Variants in AGFG1 observed in about 807,000 individuals in gnomAD.
AGFG1 encodes ArfGAP with FG repeats 1.
Under a neutral mutation model 60.6 loss-of-function variants are expected in AGFG1, and 10 were observed. That is an observed-to-expected ratio of 0.16 (90% CI 0.10 to 0.28). The LOEUF (loss-of-function observed/expected upper bound fraction) is 0.28. AGFG1 is among the 10% of genes least tolerant of loss of function. AGFG1 has a pLI of 1.00. For missense variants in AGFG1, 537 were observed against 676.5 expected, an observed-to-expected ratio of 0.79 and a Z score of 2.29; for synonymous variants, 247 against 242.9, an observed-to-expected ratio of 1.02 and a Z score of -0.16.
At chr2:227,543,090 A>G (rs952744371) in intron 10 of AGFG1, among the ~76,000 whole-genome samples, 3 of 151,042 alleles carry the variant, frequency 2.0e-5, no homozygotes, top group Non-Finnish European at 4.4e-5. Flanking sequence ...AATTTTGTTG[A>G]TCTTTTCAAA....
intron 2 of AGFG1, among the ~76,000 whole-genome samples, chr2:227,517,748 C>A (rs2106201940): frequency 6.6e-6 from 1 of 152,318 alleles, no homozygotes; most frequent in African/African-American, 2.4e-5. Context: ...AAACCAGATA[C>A]TATGCTCTTT....
rs577067028 is a variant in AGFG1, at chr2:227,514,196, G to A, written c.262-5752G>A. On this transcript the variant is annotated intron_variant, in intron 2 of 12. Coordinates refer to ENST00000310078, the MANE Select transcript of AGFG1 (RefSeq NM_004504.5). ...ACCACTTAAGAGACCAGGCCCAAAA[G>A]TAATATAACTAATACAATTTTTTTT... is the stretch of plus-strand genomic sequence containing the variant. Among the ~76,000 whole-genome samples, 10 of 152,192 alleles carry A rather than the reference G, an allele frequency of 6.6e-5. 1 individual carries two copies. The highest frequency in any genetic ancestry group is 4.1e-4 in the South Asian group (2 of 4,820).
chr2:227,485,053 T>C lies in AGFG1; in HGVS notation c.168-6494T>C, dbSNP rs149865537. Among the ~76,000 whole-genome samples, 226 of 152,102 alleles carry C rather than the reference T, an allele frequency of 1.5e-3. 3 individuals are homozygous for C. Among genetic ancestry groups the C allele is most frequent in the African/African-American group, 5.1e-3 (212 of 41,450 alleles). The stretch of plus-strand genomic sequence containing the variant: ...TGTTTTTTATCTGAAGATACTGTTA[T>C]TTTGATCTTATACTTCAAACATAGC... On this transcript the variant is annotated intron_variant, in intron 1 of 12. Transcript: ENST00000310078.
In AGFG1 at chr2:227,560,945, C is replaced by G. The variant is rs955079152; in HGVS notation, c.*6450C>G. Reference sequence around the variant, plus strand: ...CACTTTAAATCCTAGGAATAGGGAACAAGGAAACTTACTGGGAAGTTCAAA... The same window carrying G: ...CACTTTAAATCCTAGGAATAGGGAAGAAGGAAACTTACTGGGAAGTTCAAA... On this transcript the variant is annotated 3_prime_UTR_variant, in exon 13 of 13. Coordinates refer to ENST00000310078, the MANE Select transcript of AGFG1 (RefSeq NM_004504.5). The G allele has an allele frequency of 4.6e-5, 7 of 152,118 alleles. No individual in the cohort carries two copies. Among genetic ancestry groups the G allele is most frequent in the African/African-American group, 1.4e-4 (6 of 41,436 alleles). The allele number at this position is 152,118 out of a possible 1,614,324, so 9.4% of individuals were successfully genotyped here. A position where few individuals can be genotyped will look rare whatever the true frequency, so the allele number is the denominator to read the frequency against.
intron 2 of AGFG1, among the ~76,000 whole-genome samples, chr2:227,510,522 A>G (rs1171608699): frequency 6.6e-6 from 1 of 151,872 alleles, no homozygotes; most frequent in Non-Finnish European, 1.5e-5. Context: ...ATGATAAACT[A>G]TGTCTTGGTG....
chr2:227,535,048 C>T (rs772288218), intron 8 of AGFG1, 23 bp downstream of exon 8: 3 of 1,525,336 alleles, frequency 2.0e-6, no homozygotes, highest in South Asian at 2.6e-5. Flanking sequence ...AGCTAGCCCT[C>T]CTGCTTTGTG....
chr2:227,523,935 C>G lies in AGFG1; in HGVS notation c.540+10C>G, dbSNP rs1288390023. 6.2e-7 allele frequency: 1 copy of G among 1,604,008 alleles called. No homozygotes were observed. The highest frequency in any genetic ancestry group is 1.3e-5 in the African/African-American group (1 of 74,468). ...GGGCACACCTAGTCAGGTGAGTAGT[C>G]TTTGAATCTTTGTAGGGAATTCGAC... On this transcript the variant is annotated intron_variant, in intron 4 of 12. Transcript: ENST00000310078.
chr2:227,490,672 G>A (rs1447906369), intron 1 of AGFG1, among the ~76,000 whole-genome samples: 1 of 152,052 alleles, frequency 6.6e-6, no homozygotes, highest in Non-Finnish European at 1.5e-5. Flanking sequence ...GTAGTTCTGT[G>A]GAACTTTGCG....
intron 7 of AGFG1, among the ~76,000 whole-genome samples, chr2:227,534,391 C>T (rs958441976): frequency 3.9e-5 from 6 of 152,090 alleles, no homozygotes; most frequent in Non-Finnish European, 7.4e-5. Flanking sequence ...TAGAACAGTG[C>T]CTAGCACATA....
At chr2:227,483,128 A>G (rs898627510) in intron 1 of AGFG1, among the ~76,000 whole-genome samples, 9 of 152,142 alleles carry the variant, frequency 5.9e-5, no homozygotes, top group African/African-American at 2.2e-4. Flanking sequence ...AATATGACAG[A>G]AAAGTGTTTT....
chr2:227,528,599 A>C (rs1047051427), intron 5 of AGFG1, among the ~76,000 whole-genome samples: 4 of 152,196 alleles, frequency 2.6e-5, no homozygotes, highest in Admixed American at 1.3e-4. Flanking sequence ...GGATTATTGA[A>C]ATGTAATGCA....
At chr2:227,543,263 A>C (rs931699804) in intron 10 of AGFG1, among the ~76,000 whole-genome samples, 1 of 151,808 alleles carries the variant, frequency 6.6e-6, no homozygotes, top group Admixed American at 6.6e-5. Context: ...TGTTAATTTT[A>C]TATCTTTCCT....
At chr2:227,514,213 AT>A (rs200340922) in intron 2 of AGFG1, among the ~76,000 whole-genome samples, 1 of 151,852 alleles carries the variant, frequency 6.6e-6, no homozygotes, top group African/African-American at 2.4e-5. Context: ...AACTAATACA[AT>A]TTTTTTTGTT....
At chr2:227,475,129 C>G (rs1212097145) in intron 1 of AGFG1, among the ~76,000 whole-genome samples, 4 of 152,136 alleles carry the variant, frequency 2.6e-5, no homozygotes, top group Non-Finnish European at 5.9e-5. Flanking sequence ...GGTTGTAACT[C>G]AAAACCGGAA....
chr2:227,548,492 C>T (rs1038065539), intron 10 of AGFG1, among the ~76,000 whole-genome samples: 5 of 152,102 alleles, frequency 3.3e-5, no homozygotes, highest in East Asian at 1.9e-4. Context: ...TTTGCCAGTG[C>T]GTTTTGTGAA....
chr2:227,472,399 C>A lies in AGFG1; in HGVS notation c.-23C>A. On this transcript the variant is annotated 5_prime_UTR_variant, in exon 1 of 13. Transcript: ENST00000310078. ...GCTGCCCGGCTCCCGGCCCTGCCGG[C>A]CTCCTCCCTTGGCGCCGCGGCCATG... is the stretch of plus-strand genomic sequence containing the variant. The A allele has an allele frequency of 7.1e-7, 1 of 1,418,350 alleles. No homozygotes were observed. The highest frequency in any genetic ancestry group is 9.3e-7 in the Non-Finnish European group (1 of 1,073,668). The allele number at this position is 1,418,350 out of a possible 1,614,324, so 87.9% of individuals were successfully genotyped here.
chr2:227,531,137 A>G lies in AGFG1; in HGVS notation c.741A>G (p.Gly247=). ...ATTTTGCAAACTTTGATGCATTTGG[A>G]CAGTCTAGTGGTTCGAGTAATTTTG... ...NADFANFDAF[G]QSSGSSNFGG... The change falls in exon 6 of 13, where the codon GGA becomes GGG. Residue 247 remains glycine, a synonymous_variant. Coordinates refer to ENST00000310078, the MANE Select transcript of AGFG1 (RefSeq NM_004504.5). The G allele has an allele frequency of 6.2e-7, 1 of 1,613,612 alleles. No homozygotes were observed. The highest frequency in any genetic ancestry group is 1.7e-5 in the Admixed American group (1 of 59,992).
At chr2:227,501,105 G>C (rs1455253725) in intron 2 of AGFG1, among the ~76,000 whole-genome samples, 1 of 150,664 alleles carries the variant, frequency 6.6e-6, no homozygotes, top group Non-Finnish European at 1.5e-5. Context: ...AATTTTTTTT[G>C]ACAGAGTCTT....
intron 1 of AGFG1, among the ~76,000 whole-genome samples, chr2:227,484,223 C>G (rs1435124349): frequency 2.0e-5 from 3 of 152,060 alleles, no homozygotes; most frequent in Non-Finnish European, 4.4e-5. Context: ...GAGTTTTACT[C>G]TGTGGCCCAG....
Sources: allele counts gnomAD v4.1 joint callset (sites outside exome capture counted in the v4.1 genomes callset), GRCh38; gene constraint gnomAD v4.1.1; transcripts MANE v1.5; gene names NCBI Gene and HGNC (gene_info 2026-07-23, HGNC 2026-07-21).